Variants in CLDN10 observed in about 807,000 individuals in gnomAD.
CLDN10 encodes claudin 10.
CLDN10 carries 15 observed loss-of-function variants against 22.9 expected under a neutral mutation model. That is an observed-to-expected ratio of 0.65 (90% confidence interval 0.44 to 1.01). The LOEUF (loss-of-function observed/expected upper bound fraction) is 1.01, where lower values mean the gene tolerates loss of function less well. CLDN10 is among the 50% of genes least tolerant of loss of function. CLDN10 has a pLI of 0.00. For missense variants in CLDN10, 247 were observed against 287.8 expected (o/e 0.86, Z 1.03); for synonymous variants, 114 against 111.4 (o/e 1.02, Z -0.15).
Position 95,542,115 on chromosome 13 carries a change from G to A in CLDN10, c.215-18017G>A, listed in dbSNP as rs115238218. ...AGAGCAAGAGAGCGAGGTGGGAAGT[G>A]CTACACATTTTTAAATGACCAGATC... is the stretch of plus-strand genomic sequence containing the variant. On this transcript the variant is annotated intron_variant, in intron 1 of 4. Transcript: ENST00000376873. 3.0e-3 allele frequency among the ~76,000 whole-genome samples: 454 copies of A among 152,262 alleles called. 2 individuals carry two copies. Among genetic ancestry groups the A allele is most frequent in the African/African-American group, 0.01 (431 of 41,544 alleles).
chr13:95,544,074 T>G (rs2043485201), intron 1 of CLDN10, among the ~76,000 whole-genome samples: 1 of 152,306 alleles, frequency 6.6e-6, no homozygotes, highest in East Asian at 1.9e-4. Flanking sequence ...AAAATTAAAT[T>G]CAACAACATT....
intron 1 of CLDN10, among the ~76,000 whole-genome samples, chr13:95,445,029 G>C (rs1024943543): frequency 6.6e-6 from 1 of 152,188 alleles, no homozygotes; most frequent in Non-Finnish European, 1.5e-5. Flanking sequence ...ACCTGCCTCA[G>C]CCTCCCAAAG....
chr13:95,455,920 G>T (rs987014545), intron 1 of CLDN10, among the ~76,000 whole-genome samples: 1 of 152,126 alleles, frequency 6.6e-6, no homozygotes, highest in Non-Finnish European at 1.5e-5. Flanking sequence ...CTCAGGCCTG[G>T]CTGAAGGAAG....
chr13:95,493,072 G>A (rs1017591815), intron 1 of CLDN10, among the ~76,000 whole-genome samples: 5 of 152,088 alleles, frequency 3.3e-5, no homozygotes, highest in Non-Finnish European at 5.9e-5. Context: ...GAGGGTCTGC[G>A]GCTCCTCTCA....
chr13:95,481,187 G>T (rs1197975823), intron 1 of CLDN10, among the ~76,000 whole-genome samples: 3 of 152,214 alleles, frequency 2.0e-5, no homozygotes, highest in Non-Finnish European at 1.5e-5. Context: ...AGATGGGGAA[G>T]AGTTTCCAGG....
At chr13:95,556,683 G>A (rs2043643800) in intron 1 of CLDN10, among the ~76,000 whole-genome samples, 1 of 152,160 alleles carries the variant, frequency 6.6e-6, no homozygotes, top group Non-Finnish European at 1.5e-5. Context: ...AAGCACCAGA[G>A]GTGAAACTCA....
chr13:95,539,909 C>A (rs1398640539), intron 1 of CLDN10, among the ~76,000 whole-genome samples: 1 of 152,192 alleles, frequency 6.6e-6, no homozygotes, highest in Non-Finnish European at 1.5e-5. Context: ...AATATCAGCA[C>A]TTTGGGAGGT....
Position 95,578,537 on chromosome 13 carries a change from G to T in CLDN10, c.*523G>T, listed in dbSNP as rs1422864041. 6.6e-6 allele frequency: 1 copy of T among 152,146 alleles called. No individual in the cohort carries two copies. Among genetic ancestry groups the T allele is most frequent in the Non-Finnish European group, 1.5e-5 (1 of 68,038 alleles). The allele number at this position is 152,146 out of a possible 1,614,324, so 9.4% of individuals were successfully genotyped here. On this transcript the variant is annotated 3_prime_UTR_variant, in exon 5 of 5. Coordinates refer to ENST00000299339, the MANE Select transcript of CLDN10 (RefSeq NM_006984.5). ...TATTCTACAACATTTATTTAAAAAG[G>T]TAAATCTTTTTGTTGAAGCAGCAAG...
chr13:95,465,089 G>A (rs548878428), intron 1 of CLDN10, among the ~76,000 whole-genome samples: 16 of 152,248 alleles, frequency 1.1e-4, no homozygotes, highest in African/African-American at 1.9e-4. Context: ...ACAGTTCTAC[G>A]TGACTGGGGA....
At chr13:95,559,539 AC>A (rs986143107) in intron 1 of CLDN10, among the ~76,000 whole-genome samples, 3 of 151,972 alleles carry the variant, frequency 2.0e-5, no homozygotes, top group Admixed American at 2.0e-4. Flanking sequence ...ATTCCCTTAG[AC>A]CCCCCATGGT....
intron 1 of CLDN10, among the ~76,000 whole-genome samples, chr13:95,441,257 T>G (rs1446516004): frequency 6.6e-6 from 1 of 152,176 alleles, no homozygotes; most frequent in Admixed American, 6.5e-5. Flanking sequence ...GTTTTTGTGG[T>G]CTTTTCTTTC....
chr13:95,437,953 C>T (rs1265522203), intron 1 of CLDN10, among the ~76,000 whole-genome samples: 1 of 152,194 alleles, frequency 6.6e-6, no homozygotes, highest in Admixed American at 6.5e-5. Context: ...CACAATGCTT[C>T]GCCACCTGGC....
At chr13:95,541,050 G>T (rs1470146859) in intron 1 of CLDN10, among the ~76,000 whole-genome samples, 1 of 152,264 alleles carries the variant, frequency 6.6e-6, no homozygotes, top group Non-Finnish European at 1.5e-5. Flanking sequence ...CACTGAGAAT[G>T]CAGCAGCTGT....
rs540953531 is a variant in CLDN10 at position 95,567,202 on chromosome 13, T to A, written c.464+6739T>A. The stretch of plus-strand genomic sequence containing the variant: ...TGGGGATGGCACTGAATCTATAAAT[T>A]ACCTTGGGCAGTATGGCCATTTTCA... On this transcript the variant is annotated intron_variant, in intron 3 of 4. Transcript: ENST00000299339. Among the ~76,000 whole-genome samples the A allele has an allele frequency of 2.0e-5, 3 of 152,336 alleles. No individual in the cohort carries two copies. In the South Asian group the frequency reaches 6.2e-4, roughly 32 times the overall value.
chr13:95,506,108 C>T (rs2043035858), intron 1 of CLDN10, among the ~76,000 whole-genome samples: 1 of 152,170 alleles, frequency 6.6e-6, no homozygotes, highest in African/African-American at 2.4e-5. Flanking sequence ...AACCTCACTG[C>T]TTAATGCCCC....
At chr13:95,434,032 A>C in exon 1 of CLDN10, 1 of 1,613,982 alleles carries the variant, frequency 6.2e-7, no homozygotes, top group Non-Finnish European at 8.5e-7. Flanking sequence ...GCATTTTACT[A>C]TCTTCAAAGT....
intron 1 of CLDN10, among the ~76,000 whole-genome samples, chr13:95,448,292 C>G (rs1184013946): frequency 1.3e-5 from 2 of 151,984 alleles, no homozygotes; most frequent in Non-Finnish European, 2.9e-5. Context: ...ACAAACATAG[C>G]CAGCCATTTG....
At chr13:95,501,699 T>C (rs915840229) in intron 1 of CLDN10, among the ~76,000 whole-genome samples, 1 of 152,214 alleles carries the variant, frequency 6.6e-6, no homozygotes, top group African/African-American at 2.4e-5. Context: ...AGCTTATAAT[T>C]GGGTCTTGCC....
chr13:95,504,834 G>C (rs1393593899), intron 1 of CLDN10, among the ~76,000 whole-genome samples: 3 of 152,098 alleles, frequency 2.0e-5, no homozygotes, highest in Non-Finnish European at 2.9e-5. Flanking sequence ...CATCACACTG[G>C]CCAGCTTTGC....
Sources: allele counts gnomAD v4.1 joint callset (sites outside exome capture counted in the v4.1 genomes callset), GRCh38; gene constraint gnomAD v4.1.1; transcripts MANE v1.5; gene names NCBI Gene and HGNC (gene_info 2026-07-23, HGNC 2026-07-21).